SEPTIN4: variants seen among roughly 807,000 people sequenced by gnomAD.
The protein encoded by SEPTIN4 is septin-4.
Under a neutral mutation model 107.1 loss-of-function variants are expected in SEPTIN4, and 52 were observed. That is an observed-to-expected ratio of 0.49 (90% CI 0.39 to 0.61). SEPTIN4 has a LOEUF of 0.61. Among genes scored for constraint, SEPTIN4 ranks in the 20% least tolerant of loss-of-function variants. SEPTIN4 has a pLI of 0.00. For missense variants in SEPTIN4, 1,048 were observed against 1,243.5 expected, an observed-to-expected ratio of 0.84 and a Z score of 2.36; for synonymous variants, 417 against 467.0, an observed-to-expected ratio of 0.89 and a Z score of 1.38.
chr17:58,543,408 G>A lies in SEPTIN4; in HGVS notation c.779C>T (p.Pro260Leu). ...GTTCATATTCCTATACAAGGCCTTG[G>A]GTTTTGAAGGAATTGGACCGTAAGG... Reference protein sequence around the residue: ...TGPYGPIPSKPKALYRNMNLD... With the variant: ...TGPYGPIPSKLKALYRNMNLD... Residue 260 changes from proline to leucine, a missense_variant, in exon 1 of 14, where the codon CCC becomes CTC. Pro to Leu is a moderately conservative substitution (Grantham distance 98). Transcript: ENST00000672673. 6.2e-7 allele frequency: 1 copy of A among 1,614,116 alleles called. No individual in the cohort carries two copies. Among genetic ancestry groups the A allele is most frequent in the South Asian group, 1.1e-5 (1 of 91,068 alleles).
rs2043784794 is a variant in SEPTIN4 at position 58,538,319 on chromosome 17, G to GT, written c.1614+2346dup. 6.6e-6 allele frequency among the ~76,000 whole-genome samples: 1 copy of GT among 152,240 alleles called. No homozygotes were observed. The highest frequency in any genetic ancestry group is 6.5e-5 in the Admixed American group (1 of 15,294). On this transcript the variant is annotated intron_variant, in intron 3 of 13. Coordinates refer to ENST00000672673, the MANE Select transcript of SEPTIN4 (RefSeq NM_001368771.2). This position sits in a 1 kb window ranked among gnomAD's most constrained non-coding sequence, Gnocchi z 4.7. ...CAAAAGACACTGAGGTCTGCCTTAA[G>GT]TATCAGTGAGATGGCCTCCTCTGAT...
At chr17:58,540,992 A>T (rs918624727) in intron 2 of SEPTIN4, among the ~76,000 whole-genome samples, 18 of 152,220 alleles carry the variant, frequency 1.2e-4, no homozygotes, top group Admixed American at 1.2e-3. Flanking sequence ...AACTTACCCA[A>T]GGTCACAGTC....
In SEPTIN4 at chr17:58,535,436, AC is replaced by A. The variant is rs1300591000; in HGVS notation, c.1614+5229del. Among the ~76,000 whole-genome samples, 3 of 152,164 alleles carry A rather than the reference AC, an allele frequency of 2.0e-5. No homozygotes were observed. The East Asian group carries it at 5.8e-4, about 29-fold the overall frequency. ...TACAAACCTCCTAATGTGACTACTC[AC>A]CAGATGTCTGAAGGCTCCCCTGCCT... On this transcript the variant is annotated intron_variant, in intron 3 of 13. Coordinates refer to ENST00000672673, the MANE Select transcript of SEPTIN4 (RefSeq NM_001368771.2).
At chr17:58,530,404 C>T (rs754691686) in intron 3 of SEPTIN4, 2 of 152,232 alleles carry the variant, frequency 1.3e-5, no homozygotes, top group Admixed American at 6.5e-5. Context: ...GGGGGGTCTC[C>T]CCCACTGATT....
At chr17:58,527,694 G>T in intron 3 of SEPTIN4, 1 of 316,104 alleles carries the variant, frequency 3.2e-6, no homozygotes, top group Non-Finnish European at 4.6e-6. Flanking sequence ...GCTGACTGTG[G>T]GTGGGAGGCA....
At chr17:58,531,957 T>C (rs2043511063) in intron 3 of SEPTIN4, 4 of 1,148,404 alleles carry the variant, frequency 3.5e-6, no homozygotes, top group African/African-American at 1.6e-5. Flanking sequence ...CCTGCCTGCC[T>C]TACCATGGCT....
intron 7 of SEPTIN4, chr17:58,524,742 A>G: frequency 4.8e-6 from 1 of 209,400 alleles, no homozygotes; most frequent in Non-Finnish European, 9.8e-6. Context: ...AATTTTTAAA[A>G]CTTTTTGTAG....
intron 3 of SEPTIN4, among the ~76,000 whole-genome samples, chr17:58,535,602 C>T (rs181632556): frequency 1.3e-5 from 2 of 152,350 alleles, no homozygotes; most frequent in East Asian, 3.9e-4. Context: ...GGCTTTTACC[C>T]TCCATATGCC....
chr17:58,524,181 T>G (rs748350687), intron 7 of SEPTIN4, among the ~76,000 whole-genome samples: 7 of 152,198 alleles, frequency 4.6e-5, no homozygotes, highest in Non-Finnish European at 7.3e-5. Flanking sequence ...CTTCATCTAC[T>G]CACTTAGGTC....
At position 58,526,339 on chromosome 17, in the gene SEPTIN4, T is replaced by A. The variant is rs776529782; in HGVS notation, c.1912-26A>T. 2.6e-6 allele frequency: 4 copies of A among 1,515,328 alleles called. No individual in the cohort carries two copies. The African/African-American group carries it at 5.6e-5, about 21-fold the overall frequency. 93.9% of individuals were successfully genotyped at this position (1,515,328 alleles called of 1,614,324 possible). On this transcript the variant is annotated intron_variant, in intron 4 of 13. Transcript: ENST00000672673. ...CTAGTAGACAGGAAGGCAGAATGCA[T>A]CACGGTGAGGAGCCAAAGGGGCCCC... is the stretch of plus-strand genomic sequence containing the variant.
intron 3 of SEPTIN4, among the ~76,000 whole-genome samples, chr17:58,536,552 C>T (rs2043718495): frequency 6.6e-6 from 1 of 152,210 alleles, no homozygotes; most frequent in African/African-American, 2.4e-5. Context: ...GACCTACCGA[C>T]CCAAATTCCC....
chr17:58,544,152 G>C lies in SEPTIN4; in HGVS notation c.35C>G (p.Ala12Gly). The change falls in exon 1 of 14, where the codon GCG (alanine) becomes GGG (glycine). Residue 12 changes from alanine (A) to glycine (G), a missense_variant. Physicochemically the swap from Ala to Gly is moderately conservative, Grantham distance 60. Transcript: ENST00000672673. The stretch of plus-strand genomic sequence containing the variant: ...CTCAGACCCTCTCTGTGCTGAAACC[G>C]CTACCTTGGCCCCAGGTTTATTTGT... ...VKTNKPGAKVAVSAQRGSEVT... is the reference protein window; with the variant it reads ...VKTNKPGAKVGVSAQRGSEVT... 1 of 1,613,416 alleles carries C rather than the reference G, an allele frequency of 6.2e-7. No individual in the cohort carries two copies. The highest frequency in any genetic ancestry group is 8.5e-7 in the Non-Finnish European group (1 of 1,179,606).
intron 2 of SEPTIN4, chr17:58,541,609 G>A (rs2043877291): frequency 1.6e-6 from 1 of 615,136 alleles, no homozygotes; most frequent in East Asian, 2.9e-5. Context: ...TTGCTTTGGT[G>A]TATTTTTTAA....
At chr17:58,528,108 G>A (rs777936173) in intron 3 of SEPTIN4, 59 of 874,256 alleles carry the variant, frequency 6.7e-5, no homozygotes, top group Non-Finnish European at 7.4e-5. Flanking sequence ...GACAAGGGCC[G>A]GCTGCAGAGG....
intron 3 of SEPTIN4, chr17:58,529,072 G>A (rs368750399): frequency 2.0e-5 from 33 of 1,610,234 alleles, no homozygotes; most frequent in Middle Eastern, 1.6e-4. Flanking sequence ...AAGGCAGGGG[G>A]AAGACAGGTC....
At chr17:58,540,486 A>G (rs549822845) in intron 3 of SEPTIN4, among the ~76,000 whole-genome samples, 180 bp downstream of exon 3, 6 of 152,210 alleles carry the variant, frequency 3.9e-5, no homozygotes, top group African/African-American at 4.8e-5. Flanking sequence ...AACACAGGTT[A>G]TATTTCAGCC....
intron 3 of SEPTIN4, among the ~76,000 whole-genome samples, chr17:58,536,013 T>A (rs1457906219): frequency 6.6e-6 from 1 of 152,224 alleles, no homozygotes; most frequent in African/African-American, 2.4e-5. Context: ...AAGACACAGA[T>A]GTTACTCTCA....
At position 58,525,800 on chromosome 17, in the gene SEPTIN4, G is replaced by C; in HGVS notation, c.2006-19C>G. 6.2e-7 allele frequency: 1 copy of C among 1,602,690 alleles called. No individual in the cohort carries two copies. The highest frequency in any genetic ancestry group is 8.5e-7 in the Non-Finnish European group (1 of 1,169,706). On this transcript the variant is annotated intron_variant, in intron 5 of 13. Coordinates refer to ENST00000672673, the MANE Select transcript of SEPTIN4 (RefSeq NM_001368771.2). The stretch of plus-strand genomic sequence containing the variant: ...GACTCTCCTGAGAGGAGAGAGGACA[G>C]AGGCACCAAATCAGAAGGTAAGATC...
intron 7 of SEPTIN4, among the ~76,000 whole-genome samples, chr17:58,522,654 CAAA>C (rs1233539293): frequency 5.7e-5 from 3 of 52,648 alleles, no homozygotes; most frequent in Admixed American, 2.1e-4. Flanking sequence ...CAGACTGTCA[CAAA>C]AAAAAAAAAA....
Sources: allele counts gnomAD v4.1 joint callset (sites outside exome capture counted in the v4.1 genomes callset), GRCh38; gene constraint gnomAD v4.1.1; non-coding constraint Gnocchi (gnomAD v3.1); transcripts MANE v1.5; gene names NCBI Gene and HGNC (gene_info 2026-07-23, HGNC 2026-07-21).